Variants in HMGXB4 observed in about 807,000 individuals in gnomAD.
HMGXB4 encodes the protein HMG domain-containing protein 4.
A neutral mutation model predicts 63.9 loss-of-function variants in HMGXB4; 27 were observed. That is an observed-to-expected ratio of 0.42 (90% CI 0.31 to 0.58). The LOEUF (loss-of-function observed/expected upper bound fraction) is 0.58, where lower values mean the gene tolerates loss of function less well. Among genes scored for constraint, HMGXB4 ranks in the 20% least tolerant of loss-of-function variants. The pLI is 0.13. For missense variants in HMGXB4, 624 were observed against 700.7 expected (o/e 0.89, Z 1.24); for synonymous variants, 264 against 265.3 (o/e 0.99, Z 0.05).
At chr22:35,268,496 C>G (rs1464991104) in intron 5 of HMGXB4, among the ~76,000 whole-genome samples, 1 of 152,072 alleles carries the variant, frequency 6.6e-6, no homozygotes, top group East Asian at 1.9e-4. Flanking sequence ...CACATTGATG[C>G]TAGAGTAATC....
chr22:35,272,795 G>A (rs758280400), intron 5 of HMGXB4, among the ~76,000 whole-genome samples: 9 of 152,174 alleles, frequency 5.9e-5, no homozygotes, highest in East Asian at 1.9e-4. Context: ...TTAGCCAGGC[G>A]TGGTGGCGCG....
intron 6 of HMGXB4, among the ~76,000 whole-genome samples, chr22:35,284,282 A>C (rs192965699): frequency 6.2e-4 from 95 of 152,408 alleles, no homozygotes; most frequent in African/African-American, 2.2e-3. Context: ...AAGCACATAC[A>C]TAAATGCACA....
At chr22:35,274,073 C>T (rs1923760323) in intron 5 of HMGXB4, among the ~76,000 whole-genome samples, 3 of 152,216 alleles carry the variant, frequency 2.0e-5, no homozygotes, top group Admixed American at 2.0e-4. Context: ...ACAGTGTCTG[C>T]TCTCAAAGAG....
intron 5 of HMGXB4, among the ~76,000 whole-genome samples, chr22:35,278,138 A>G (rs1177834647): frequency 6.6e-6 from 1 of 152,146 alleles, no homozygotes; most frequent in African/African-American, 2.4e-5. Flanking sequence ...GCACTTAGTA[A>G]TATGTCCTTA....
chr22:35,252,163 T>C, the HMGXB4 span, among the ~76,000 whole-genome samples: 1 of 152,176 alleles, frequency 6.6e-6, no homozygotes, highest in African/African-American at 2.4e-5. Context: ...TGCAGTAAGC[T>C]GAGATCGTGT....
intron 5 of HMGXB4, among the ~76,000 whole-genome samples, chr22:35,270,383 C>T (rs896146605): frequency 3.3e-5 from 5 of 152,142 alleles, no homozygotes. Flanking sequence ...GCTCAGGGCT[C>T]CCACTGATTC....
Position 35,265,053 on chromosome 22 carries a change from A to C in HMGXB4, c.665A>C (p.Lys222Thr), listed in dbSNP as rs763306734. 1 of 1,613,912 alleles carries C rather than the reference A, an allele frequency of 6.2e-7. No homozygotes were observed. The highest frequency in any genetic ancestry group is 2.2e-5 in the East Asian group (1 of 44,868). ...QYPSQQATVK[K>T]SSKKSARDEQ... ...CCCTCCCAACAAGCGACTGTGAAAAAATCCTCAAAGAAATCAGCTCGGGAT... is the reference window on the plus strand; with the variant it reads ...CCCTCCCAACAAGCGACTGTGAAAACATCCTCAAAGAAATCAGCTCGGGAT... The change falls in exon 5 of 11, where the codon AAA (lysine) becomes ACA (threonine). Residue 222 changes from lysine (K) to threonine (T), a missense_variant. Coordinates refer to ENST00000216106, the MANE Select transcript of HMGXB4 (RefSeq NM_001003681.3).
chr22:35,281,036 C>G (rs2146429280), intron 5 of HMGXB4, among the ~76,000 whole-genome samples: 1 of 152,322 alleles, frequency 6.6e-6, no homozygotes, highest in African/African-American at 2.4e-5. Context: ...TTCCCAGTGT[C>G]TGGCACATAT....
intron 9 of HMGXB4, among the ~76,000 whole-genome samples, chr22:35,291,026 G>T (rs1924902227): frequency 6.6e-6 from 1 of 152,202 alleles, no homozygotes; most frequent in Non-Finnish European, 1.5e-5. Flanking sequence ...GACTCTGGGA[G>T]CCAAAGTGGG....
upstream of HMGXB4, among the ~76,000 whole-genome samples, chr22:35,256,561 G>A (rs555891510): frequency 1.3e-5 from 2 of 152,054 alleles, no homozygotes; most frequent in Non-Finnish European, 2.9e-5. Flanking sequence ...GTGCAGTGGC[G>A]CAATCTCGGC....
chr22:35,292,434 G>A (rs933859674), intron 9 of HMGXB4, among the ~76,000 whole-genome samples: 1 of 152,078 alleles, frequency 6.6e-6, no homozygotes, highest in African/African-American at 2.4e-5. Flanking sequence ...ACAAGAACTC[G>A]GCAGCAGCAA....
chr22:35,282,615 T>C (rs1056352390), intron 5 of HMGXB4, among the ~76,000 whole-genome samples: 3 of 152,236 alleles, frequency 2.0e-5, no homozygotes, highest in South Asian at 2.1e-4. Flanking sequence ...GATAACTCTT[T>C]CTTTATTTTA....
In HMGXB4 at chr22:35,285,325, A is replaced by C. The variant is rs560923858; in HGVS notation, c.1298-672A>C. On this transcript the variant is annotated intron_variant, in intron 6 of 10. Transcript: ENST00000216106. ...TTTGGGAGGCCGAGGTGGGTGGATC[A>C]CCTGAGGTCAGGAGTTCGAGACCAG... Among the ~76,000 whole-genome samples the C allele has an allele frequency of 2.0e-5, 3 of 152,310 alleles. No homozygotes were observed. In the East Asian group the frequency reaches 5.8e-4, roughly 29 times the overall value.
intron 5 of HMGXB4, among the ~76,000 whole-genome samples, chr22:35,278,636 T>C (rs1344203573): frequency 6.8e-6 from 1 of 147,710 alleles, no homozygotes; most frequent in Non-Finnish European, 1.5e-5. Context: ...TTTTAAATTT[T>C]ATGTATTTTT....
chr22:35,263,844 A>G lies in HMGXB4; in HGVS notation c.229A>G (p.Lys77Glu). 2 of 1,613,714 alleles carry G rather than the reference A, an allele frequency of 1.2e-6. No homozygotes were observed. The highest frequency in any genetic ancestry group is 8.5e-7 in the Non-Finnish European group (1 of 1,179,608). The stretch of plus-strand genomic sequence containing the variant: ...GACGGACACACACAAGAAGAAGAGG[A>G]AGCACTCCTCTGATGATTACTACTA... ...LGTDTHKKKR[K>E]HSSDDYYYGD... The change falls in exon 4 of 11, where the codon AAG (lysine) becomes GAG (glutamate). Residue 77 changes from lysine to glutamate, a missense_variant. Coordinates refer to ENST00000216106, the MANE Select transcript of HMGXB4 (RefSeq NM_001003681.3).
intron 5 of HMGXB4, among the ~76,000 whole-genome samples, chr22:35,280,976 C>T (rs1317700564): frequency 6.6e-6 from 1 of 152,218 alleles, no homozygotes; most frequent in Non-Finnish European, 1.5e-5. Context: ...ATTAGAATGA[C>T]ATATTTAACT....
chr22:35,292,602 A>G (rs1250171353), intron 9 of HMGXB4, among the ~76,000 whole-genome samples: 2 of 152,250 alleles, frequency 1.3e-5, no homozygotes, highest in East Asian at 1.9e-4. Flanking sequence ...TAGGATTCTC[A>G]TAGTAATCAC....
intron 5 of HMGXB4, among the ~76,000 whole-genome samples, chr22:35,274,752 G>C (rs964655273): frequency 1.3e-5 from 2 of 152,212 alleles, no homozygotes; most frequent in African/African-American, 2.4e-5. Context: ...CAGAAGTATA[G>C]AGTACATGTA....
In HMGXB4 at chr22:35,268,246, A is replaced by G. The variant is rs148976984; in HGVS notation, c.1215+2643A>G. 6.2e-4 allele frequency among the ~76,000 whole-genome samples: 94 copies of G among 151,844 alleles called. 1 individual carries two copies. The South Asian group carries it at 6.7e-3, about 11-fold the overall frequency. On this transcript the variant is annotated intron_variant, in intron 5 of 10. Coordinates refer to ENST00000216106, the MANE Select transcript of HMGXB4 (RefSeq NM_001003681.3). ...TGTACCCCTCTCCAATCCATCCCCA[A>G]CCCCAGAGCCAACAACTGTTCTGAT...
Sources: gnomAD v4.1 joint callset for allele counts (sites outside exome capture counted in the v4.1 genomes callset) on GRCh38, gnomAD v4.1.1 for gene constraint, MANE v1.5 for transcripts, NCBI Gene and HGNC (gene_info 2026-07-23, HGNC 2026-07-21) for gene names.